IL1RAPL2: variants seen among roughly 807,000 people sequenced by gnomAD.
IL1RAPL2 encodes the protein X-linked interleukin-1 receptor accessory protein-like 2.
Under a neutral mutation model 44.1 loss-of-function variants are expected in IL1RAPL2, and 3 were observed. That is an observed-to-expected ratio of 0.07 (90% CI 0.03 to 0.18). IL1RAPL2 has a LOEUF of 0.18. Ranked by LOEUF, IL1RAPL2 falls within the 10% of genes least tolerant of loss-of-function variation. The pLI is 1.00. For missense variants in IL1RAPL2, 391 were observed against 496.4 expected, an observed-to-expected ratio of 0.79 and a Z score of 2.02; for synonymous variants, 181 against 178.8, an observed-to-expected ratio of 1.01 and a Z score of -0.10.
intron 5 of IL1RAPL2, among the ~76,000 whole-genome samples, chrX:105,395,450 G>A (rs1229684848): frequency 9.1e-6 from 1 of 110,170 alleles, no homozygotes; most frequent in Admixed American, 9.7e-5. Flanking sequence ...AGAGTATAAT[G>A]AGGAAGAGAT....
chrX:105,402,248 A>G (rs1398326340), intron 5 of IL1RAPL2, among the ~76,000 whole-genome samples: 1 of 111,740 alleles, frequency 8.9e-6, no homozygotes, highest in Non-Finnish European at 1.9e-5. Context: ...TTCAAAAATT[A>G]TACCACCCTG....
At chrX:105,231,348 C>T (rs782142227) in intron 3 of IL1RAPL2, among the ~76,000 whole-genome samples, 1 of 111,510 alleles carries the variant, frequency 9.0e-6, no homozygotes, top group Non-Finnish European at 1.9e-5. Context: ...TCCACAAATA[C>T]CTGCAAATTA....
At chrX:105,381,305 A>G (rs1438763921) in intron 5 of IL1RAPL2, among the ~76,000 whole-genome samples, 1 of 111,544 alleles carries the variant, frequency 9.0e-6, no homozygotes, top group Non-Finnish European at 1.9e-5. Context: ...TTCAAGTTTT[A>G]TTCCCCACTG....
chrX:105,457,141 G>T (rs1436488577), intron 5 of IL1RAPL2, among the ~76,000 whole-genome samples: 1 of 109,184 alleles, frequency 9.2e-6, no homozygotes, highest in Non-Finnish European at 1.9e-5. Flanking sequence ...ACCACAGCCT[G>T]CCTAGACCCA....
At chrX:104,588,771 A>C (rs1928610832) in intron 1 of IL1RAPL2, among the ~76,000 whole-genome samples, 1 of 112,223 alleles carries the variant, frequency 8.9e-6, no homozygotes, top group Non-Finnish European at 1.9e-5. Flanking sequence ...TGACTTCTGA[A>C]TAATCTTCAC....
intron 2 of IL1RAPL2, among the ~76,000 whole-genome samples, chrX:104,860,165 G>A (rs1386565419): frequency 5.4e-5 from 6 of 111,531 alleles, no homozygotes; most frequent in Non-Finnish European, 1.1e-4. Flanking sequence ...TTAGCCTATG[G>A]AGCTGACCCA....
intron 10 of IL1RAPL2, chrX:105,765,206 C>T (rs957011271): frequency 1.8e-5 from 2 of 111,781 alleles, no homozygotes; most frequent in Non-Finnish European, 3.8e-5. Flanking sequence ...AATGATGAAG[C>T]TTCCCACATA....
chrX:105,016,006 T>A, intron 2 of IL1RAPL2, among the ~76,000 whole-genome samples: 1 of 111,658 alleles, frequency 9.0e-6, no homozygotes, highest in Non-Finnish European at 1.9e-5. Context: ...TGGTTTGTAA[T>A]TCTCCTTGAA....
chrX:105,220,219 G>T (rs1556179342), intron 3 of IL1RAPL2: 2 of 1,211,425 alleles, frequency 1.7e-6, no homozygotes, highest in Non-Finnish European at 2.2e-6. Flanking sequence ...GACCTCACTG[G>T]GCACCTCGCT....
intron 5 of IL1RAPL2, among the ~76,000 whole-genome samples, chrX:105,411,862 A>G (rs1003476852): frequency 5.4e-5 from 6 of 112,073 alleles, no homozygotes; most frequent in Non-Finnish European, 1.1e-4. Flanking sequence ...CATTCTTCTC[A>G]ATTTCACATG....
Position 104,566,948 on chromosome X carries a change from C to T in IL1RAPL2, c.-123C>T, listed in dbSNP as rs962801267. 5 of 112,923 alleles carry T rather than the reference C, an allele frequency of 4.4e-5. No individual in the cohort carries two copies. The highest frequency in any genetic ancestry group is 1.6e-4 in the African/African-American group (5 of 31,069). The allele number at this position is 112,923 out of a possible 1,213,427, so 9.3% of individuals were successfully genotyped here. A position where few individuals can be genotyped will look rare whatever the true frequency, so the allele number is the denominator to read the frequency against. ...CAGCCACTCCGACTGCCTGGGAAGTCCCAGCCCGCGCTCTCCGGAACCCGG... is the reference window on the plus strand; with the variant it reads ...CAGCCACTCCGACTGCCTGGGAAGTTCCAGCCCGCGCTCTCCGGAACCCGG... On this transcript the variant is annotated 5_prime_UTR_variant, in exon 1 of 11. Transcript: ENST00000372582.
intron 2 of IL1RAPL2, among the ~76,000 whole-genome samples, chrX:104,687,824 T>C (rs773670265): frequency 6.3e-5 from 7 of 111,632 alleles, no homozygotes; most frequent in African/African-American, 2.0e-4. Flanking sequence ...CAAGCCACCA[T>C]CATCCCTCAG....
chrX:105,704,744 A>C (rs754180115), intron 6 of IL1RAPL2, among the ~76,000 whole-genome samples: 1 of 110,981 alleles, frequency 9.0e-6, no homozygotes, highest in African/African-American at 3.3e-5. Flanking sequence ...TAAGCCCAGC[A>C]TGCATTAGCT....
intron 2 of IL1RAPL2, among the ~76,000 whole-genome samples, chrX:104,909,001 C>G (rs1924134495): frequency 9.1e-6 from 1 of 110,391 alleles, no homozygotes; most frequent in Admixed American, 9.6e-5. Context: ...TAGATTTGGT[C>G]TTTTCACATA....
At chrX:105,573,650 G>T (rs1036963795) in intron 6 of IL1RAPL2, among the ~76,000 whole-genome samples, 4 of 110,362 alleles carry the variant, frequency 3.6e-5, no homozygotes, top group Non-Finnish European at 5.7e-5. Flanking sequence ...ATGGGTAGTG[G>T]TACCATTCTC....
intron 6 of IL1RAPL2, among the ~76,000 whole-genome samples, chrX:105,565,058 C>T (rs2036965222): frequency 8.9e-6 from 1 of 112,135 alleles, no homozygotes; most frequent in African/African-American, 3.2e-5. Context: ...GTTTAAACCT[C>T]CATTTTTTTC....
chrX:105,371,086 GT>G (rs1475095150), intron 5 of IL1RAPL2, among the ~76,000 whole-genome samples: 1 of 112,028 alleles, frequency 8.9e-6, no homozygotes, highest in Admixed American at 9.5e-5. Flanking sequence ...TAATGGGCTT[GT>G]TTTTTGTTAA....
At chrX:105,451,387 G>T (rs1013904306) in intron 5 of IL1RAPL2, among the ~76,000 whole-genome samples, 2 of 111,611 alleles carry the variant, frequency 1.8e-5, no homozygotes, top group African/African-American at 6.5e-5. Flanking sequence ...TTTCTTGTCT[G>T]CCAGTTGGAG....
chrX:105,446,064 G>T (rs2035952341), intron 5 of IL1RAPL2, among the ~76,000 whole-genome samples: 1 of 110,915 alleles, frequency 9.0e-6, no homozygotes, highest in Admixed American at 9.7e-5. Context: ...TATATATCTG[G>T]GTGCTCCAAT....
Sources: allele counts gnomAD v4.1 joint callset (sites outside exome capture counted in the v4.1 genomes callset), GRCh38; gene constraint gnomAD v4.1.1; transcripts MANE v1.5; gene names NCBI Gene and HGNC (gene_info 2026-07-23, HGNC 2026-07-21).